Variants in TTC27 observed in about 807,000 individuals in gnomAD.
TTC27 encodes the protein tetratricopeptide repeat domain 27, also known as tetratricopeptide repeat protein 27.
Under a neutral mutation model 115.9 loss-of-function variants are expected in TTC27, and 79 were observed. The observed-to-expected ratio is 0.68, with a 90% confidence interval of 0.57 to 0.82. The LOEUF (loss-of-function observed/expected upper bound fraction) is 0.82. Among genes scored for constraint, TTC27 ranks in the 40% least tolerant of loss-of-function variants. TTC27 has a pLI of 0.00. For missense variants in TTC27, 1,054 were observed against 993.1 expected (o/e 1.06, Z -0.82); for synonymous variants, 401 against 356.0 (o/e 1.13, Z -1.42).
At chr2:32,679,922 C>T (rs534616918) in intron 9 of TTC27, among the ~76,000 whole-genome samples, 3 of 152,126 alleles carry the variant, frequency 2.0e-5, no homozygotes, top group African/African-American at 4.8e-5. Flanking sequence ...ACCCGGAAGG[C>T]GGAGGTTGCA....
intron 4 of TTC27, among the ~76,000 whole-genome samples, chr2:32,644,038 G>A (rs751373924): frequency 4.0e-5 from 6 of 151,876 alleles, no homozygotes; most frequent in African/African-American, 7.3e-5. Context: ...AAAGTTAGCC[G>A]GGTGTAATGG....
At chr2:32,789,188 G>A (rs539163131) in intron 16 of TTC27, among the ~76,000 whole-genome samples, 10 of 152,252 alleles carry the variant, frequency 6.6e-5, no homozygotes, top group South Asian at 4.1e-4. Context: ...AGATAATGCC[G>A]ATTTTAGTTA....
intron 12 of TTC27, among the ~76,000 whole-genome samples, chr2:32,738,219 G>A (rs1374157995): frequency 1.3e-5 from 2 of 152,186 alleles, no homozygotes; most frequent in Non-Finnish European, 2.9e-5. Context: ...GCTGCCGGTA[G>A]TCAAATGCCA....
intron 13 of TTC27, among the ~76,000 whole-genome samples, chr2:32,770,192 A>C (rs563972667): frequency 1.3e-5 from 2 of 152,336 alleles, no homozygotes; most frequent in South Asian, 2.1e-4. Flanking sequence ...TGAGAATAGC[A>C]ACTAATGCTG....
At chr2:32,658,060 C>T (rs999276552) in intron 5 of TTC27, among the ~76,000 whole-genome samples, 2 of 152,124 alleles carry the variant, frequency 1.3e-5, no homozygotes, top group Non-Finnish European at 2.9e-5. Context: ...ATCTCCTGAC[C>T]TCAGGTGATC....
chr2:32,778,836 C>A (rs1670081204), intron 14 of TTC27, among the ~76,000 whole-genome samples: 1 of 152,138 alleles, frequency 6.6e-6, no homozygotes, highest in South Asian at 2.1e-4. Flanking sequence ...CATATGTTTC[C>A]ATTTCTCTTG....
chr2:32,682,847 G>GTT (rs70938360), intron 9 of TTC27, among the ~76,000 whole-genome samples: 51 of 49,778 alleles, frequency 1.0e-3, no homozygotes, highest in Admixed American at 2.7e-3. Flanking sequence ...TTTTATTGTT[G>GTT]TTTTTTTTTT....
rs868121416 is a variant in TTC27 at position 32,754,863 on chromosome 2, C to T, written c.1453-3429C>T. ...CTCCCTCCCGGACGGGGCGGCTGGC[C>T]AGGCGGGGGGGCTGACCCCCCCCAC... On this transcript the variant is annotated intron_variant, in intron 12 of 19. Coordinates refer to ENST00000317907, the MANE Select transcript of TTC27 (RefSeq NM_017735.5). Among the ~76,000 whole-genome samples, 36 of 145,472 alleles carry T rather than the reference C, an allele frequency of 2.5e-4. No individual in the cohort carries two copies. In the South Asian group the frequency reaches 7.6e-3, roughly 31 times the overall value.
chr2:32,741,039 G>C (rs536970417), intron 12 of TTC27, among the ~76,000 whole-genome samples: 18 of 152,316 alleles, frequency 1.2e-4, no homozygotes, highest in Admixed American at 3.9e-4. Flanking sequence ...CTGTCATCCA[G>C]GTTGCACCTG....
chr2:32,722,139 TG>T (rs1558310056), intron 10 of TTC27, among the ~76,000 whole-genome samples: 1 of 152,222 alleles, frequency 6.6e-6, no homozygotes, highest in Non-Finnish European at 1.5e-5. Flanking sequence ...CATTACTACC[TG>T]GGAAACCTGA....
At chr2:32,644,495 G>A (rs1211428808) in intron 4 of TTC27, among the ~76,000 whole-genome samples, 2 of 152,092 alleles carry the variant, frequency 1.3e-5, no homozygotes, top group Non-Finnish European at 2.9e-5. Context: ...TAATTTCTTG[G>A]CAGCTGTAAA....
chr2:32,763,029 C>T (rs933404735), intron 13 of TTC27, among the ~76,000 whole-genome samples: 2 of 152,188 alleles, frequency 1.3e-5, no homozygotes, highest in African/African-American at 2.4e-5. Context: ...CAGGGGAGAA[C>T]TTGACAGGGC....
intron 4 of TTC27, among the ~76,000 whole-genome samples, chr2:32,649,622 G>T (rs1477793137): frequency 1.3e-5 from 2 of 150,834 alleles, no homozygotes; most frequent in African/African-American, 4.9e-5. Context: ...TCGGCTCACT[G>T]CAACCTCTGC....
intron 12 of TTC27, among the ~76,000 whole-genome samples, chr2:32,752,078 A>G (rs1254623315): frequency 2.6e-5 from 4 of 152,200 alleles, no homozygotes; most frequent in Non-Finnish European, 4.4e-5. Context: ...GCAAATAACT[A>G]TGCTCATAAT....
chr2:32,783,985 CATAA>C (rs1341395415), intron 15 of TTC27, among the ~76,000 whole-genome samples: 2 of 152,206 alleles, frequency 1.3e-5, no homozygotes, highest in Non-Finnish European at 2.9e-5. Context: ...TCTTGGATGA[CATAA>C]ATAAAGTCTA....
Position 32,697,896 on chromosome 2 carries a change from T to C in TTC27, c.1120-4911T>C, listed in dbSNP as rs1345067285. On this transcript the variant is annotated intron_variant, in intron 9 of 19. Transcript: ENST00000317907. ...CCTCCTGAGTGGCTGGAATTGTAGG[T>C]GTGCACTAGCACGCCCAGTTAATTT... Among the ~76,000 whole-genome samples, 4 of 152,096 alleles carry C rather than the reference T, an allele frequency of 2.6e-5. No homozygotes were observed. The East Asian group carries it at 5.8e-4, about 22-fold the overall frequency.
intron 7 of TTC27, among the ~76,000 whole-genome samples, chr2:32,668,754 G>A (rs2151882235): frequency 6.6e-6 from 1 of 152,036 alleles, no homozygotes; most frequent in East Asian, 1.9e-4. Flanking sequence ...TATTACATGT[G>A]GCTATCAGAA....
chr2:32,691,436 T>A (rs1025338760), intron 9 of TTC27, among the ~76,000 whole-genome samples: 2 of 152,042 alleles, frequency 1.3e-5, no homozygotes, highest in East Asian at 1.9e-4. Flanking sequence ...GTAGCTGGGA[T>A]TACAGGCACA....
chr2:32,755,981 G>C (rs150662824), intron 12 of TTC27, among the ~76,000 whole-genome samples: 200 of 152,160 alleles, frequency 1.3e-3, no homozygotes, highest in African/African-American at 4.6e-3. Context: ...TTTCATCATG[G>C]GATATCATGG....
Sources: gnomAD v4.1 joint callset for allele counts (sites outside exome capture counted in the v4.1 genomes callset) on GRCh38, gnomAD v4.1.1 for gene constraint, MANE v1.5 for transcripts, NCBI Gene and HGNC (gene_info 2026-07-23, HGNC 2026-07-21) for gene names.